The following LRRC7 variants were observed in gnomAD, a reference collection of about 807,000 sequenced individuals.
LRRC7 encodes leucine rich repeat containing 7.
A neutral mutation model predicts 175.7 loss-of-function variants in LRRC7; 23 were observed. That is an observed-to-expected ratio of 0.13 (90% CI 0.09 to 0.19). The LOEUF (loss-of-function observed/expected upper bound fraction) is 0.19, where lower values mean the gene tolerates loss of function less well. Ranked by LOEUF, LRRC7 falls within the 10% of genes least tolerant of loss-of-function variation. LRRC7 has a pLI of 1.00. For missense variants in LRRC7, 1,354 were observed against 1,904.7 expected (o/e 0.71, Z 5.38); for synonymous variants, 685 against 680.9 (o/e 1.01, Z -0.09).
intron 24 of LRRC7, among the ~76,000 whole-genome samples, chr1:70,088,621 G>A (rs1663787569): frequency 6.6e-6 from 1 of 152,088 alleles, no homozygotes; most frequent in Non-Finnish European, 1.5e-5. Flanking sequence ...TGTAACCAAT[G>A]TATACTGCCT....
chr1:69,963,842 A>G (rs1651384050), intron 8 of LRRC7, among the ~76,000 whole-genome samples: 2 of 152,212 alleles, frequency 1.3e-5, no homozygotes, highest in Non-Finnish European at 2.9e-5. Flanking sequence ...GAAACATAAA[A>G]TACTGGAATG....
chr1:69,804,421 A>G (rs568786579), intron 4 of LRRC7, among the ~76,000 whole-genome samples: 2 of 151,458 alleles, frequency 1.3e-5, no homozygotes, highest in Non-Finnish European at 3.0e-5. Flanking sequence ...ACCTTCTTGG[A>G]ACATTAAAAA....
chr1:70,132,703 C>T lies in LRRC7; in HGVS notation c.*10816C>T, dbSNP rs1358884778. Among the ~76,000 whole-genome samples, 1 of 152,014 alleles carries T rather than the reference C, an allele frequency of 6.6e-6. No homozygotes were observed. The highest frequency in any genetic ancestry group is 1.5e-5 in the Non-Finnish European group (1 of 67,992). On this transcript the variant is annotated 3_prime_UTR_variant, in exon 27 of 27. Transcript: ENST00000651989. Reference sequence around the variant, plus strand: ...GGCCAGGTTGGTCTTGAACTCCTGACCTCGTGATCCACCTGCCTCGGACTC... The same window carrying T: ...GGCCAGGTTGGTCTTGAACTCCTGATCTCGTGATCCACCTGCCTCGGACTC...
chr1:69,599,452 T>C (rs1646968146), intron 1 of LRRC7, among the ~76,000 whole-genome samples: 1 of 152,220 alleles, frequency 6.6e-6, no homozygotes, highest in South Asian at 2.1e-4. Context: ...CTCTAGTCTT[T>C]ATGTCCTAAG....
chr1:69,844,278 A>G (rs1682085262), intron 7 of LRRC7, among the ~76,000 whole-genome samples: 1 of 152,124 alleles, frequency 6.6e-6, no homozygotes, highest in Admixed American at 6.6e-5. Context: ...CATAGGCACA[A>G]TGTTGGACAG....
chr1:69,927,121 T>C (rs550251998), intron 7 of LRRC7, among the ~76,000 whole-genome samples: 1 of 152,238 alleles, frequency 6.6e-6, no homozygotes, highest in South Asian at 2.1e-4. Flanking sequence ...CCTTTAAGAA[T>C]GTTGAATATT....
chr1:69,678,548 A>G, intron 2 of LRRC7, 70 bp downstream of exon 2: 2 of 1,056,740 alleles, frequency 1.9e-6, no homozygotes. Context: ...AAATGAAATG[A>G]GTGACCTTTA....
At chr1:69,815,219 T>A (rs112247428) in intron 4 of LRRC7, among the ~76,000 whole-genome samples, 3 of 152,254 alleles carry the variant, frequency 2.0e-5, no homozygotes, top group African/African-American at 7.2e-5. Flanking sequence ...CATTTCTTCC[T>A]TAATACATCA....
chr1:70,092,088 C>T (rs549634513), intron 25 of LRRC7, among the ~76,000 whole-genome samples: 7 of 152,114 alleles, frequency 4.6e-5, no homozygotes, highest in Non-Finnish European at 1.0e-4. Flanking sequence ...AGGGATTAAT[C>T]TATTGGAAAT....
At chr1:69,569,592 G>A (rs1185650094) in intron 1 of LRRC7, among the ~76,000 whole-genome samples, 1 of 151,926 alleles carries the variant, frequency 6.6e-6, no homozygotes, top group African/African-American at 2.4e-5. Context: ...AATGGGGGCG[G>A]GGGTTGGGGG....
intron 1 of LRRC7, among the ~76,000 whole-genome samples, chr1:69,640,293 A>G (rs1212627167): frequency 1.3e-5 from 2 of 151,786 alleles, no homozygotes; most frequent in East Asian, 3.9e-4. Context: ...CTCTATTTAC[A>G]TATAACACAC....
chr1:69,589,954 T>C (rs1646567697), intron 1 of LRRC7, among the ~76,000 whole-genome samples: 1 of 152,204 alleles, frequency 6.6e-6, no homozygotes, highest in South Asian at 2.1e-4. Flanking sequence ...GAGAATGACA[T>C]TAAACACTCT....
At chr1:69,927,111 C>T (rs1040416813) in intron 7 of LRRC7, among the ~76,000 whole-genome samples, 2 of 152,232 alleles carry the variant, frequency 1.3e-5, no homozygotes, top group African/African-American at 2.4e-5. Context: ...AAAATTCTTT[C>T]CTTTAAGAAT....
At chr1:70,098,268 CCAA>C (rs1553204150) in intron 25 of LRRC7, among the ~76,000 whole-genome samples, 1 of 151,906 alleles carries the variant, frequency 6.6e-6, no homozygotes, top group Non-Finnish European at 1.5e-5. Context: ...TTCTTTGAAA[CCAA>C]CGAGAACAAA....
At chr1:69,581,936 C>G (rs1379582348) in intron 1 of LRRC7, among the ~76,000 whole-genome samples, 1 of 152,096 alleles carries the variant, frequency 6.6e-6, no homozygotes, top group East Asian at 1.9e-4. Flanking sequence ...TTTAAGCCAC[C>G]CATCTCAAGC....
intron 8 of LRRC7, among the ~76,000 whole-genome samples, chr1:69,975,983 G>GT (rs933152195): frequency 2.6e-5 from 4 of 151,218 alleles, no homozygotes; most frequent in Non-Finnish European, 5.9e-5. Context: ...TGACCCCTCA[G>GT]TTTTTTTTAT....
intron 7 of LRRC7, among the ~76,000 whole-genome samples, chr1:69,853,195 T>G (rs1683179620): frequency 6.6e-6 from 1 of 151,970 alleles, no homozygotes; most frequent in Admixed American, 6.6e-5. Flanking sequence ...AGCCATATTT[T>G]ACTGGAATTC....
At position 70,127,816 on chromosome 1, in the gene LRRC7, C is replaced by T. The variant is rs1485008722; in HGVS notation, c.*5929C>T. 6.6e-6 allele frequency among the ~76,000 whole-genome samples: 1 copy of T among 152,168 alleles called. No homozygotes were observed. The highest frequency in any genetic ancestry group is 1.5e-5 in the Non-Finnish European group (1 of 68,028). On this transcript the variant is annotated 3_prime_UTR_variant, in exon 27 of 27. Coordinates refer to ENST00000651989, the MANE Select transcript of LRRC7 (RefSeq NM_001370785.2). ...CAGCATTTATGTAAACATTCCATGA[C>T]TCTTATTAGTCTACGGTTGGAACCA... is the stretch of plus-strand genomic sequence containing the variant.
At chr1:69,872,226 TGTA>T (rs1685623318) in intron 7 of LRRC7, among the ~76,000 whole-genome samples, 1 of 152,030 alleles carries the variant, frequency 6.6e-6, no homozygotes, top group Non-Finnish European at 1.5e-5. Flanking sequence ...TTTGAATAAA[TGTA>T]GTACATAAAA....
Sources: allele counts gnomAD v4.1 joint callset (sites outside exome capture counted in the v4.1 genomes callset), GRCh38; gene constraint gnomAD v4.1.1; transcripts MANE v1.5; gene names NCBI Gene and HGNC (gene_info 2026-07-23, HGNC 2026-07-21).